The following ST8SIA1 variants were observed in gnomAD, a reference collection of about 807,000 sequenced individuals.
The protein encoded by ST8SIA1 is alpha-N-acetylneuraminide alpha-2,8-sialyltransferase.
In ST8SIA1, 16 loss-of-function variants were observed where a neutral mutation model predicts 35.9. That is an observed-to-expected ratio of 0.45 (90% CI 0.30 to 0.68). The LOEUF (loss-of-function observed/expected upper bound fraction) is 0.68. Ranked by LOEUF, ST8SIA1 falls within the 30% of genes least tolerant of loss-of-function variation. The pLI, the probability that ST8SIA1 is intolerant of heterozygous loss-of-function variation, is 0.09. For synonymous variants in ST8SIA1, 170 were observed against 169.6 expected (o/e 1.00, Z -0.02); for missense variants, 383 against 453.6 (o/e 0.84, Z 1.41).
At chr12:22,248,949 A>G in intron 4 of ST8SIA1, 57 bp downstream of exon 4, 1 of 1,300,370 alleles carries the variant, frequency 7.7e-7, no homozygotes, top group Non-Finnish European at 1.1e-6. Context: ...TTGAAATGCT[A>G]AGTACTTGAG....
intron 4 of ST8SIA1, among the ~76,000 whole-genome samples, chr12:22,233,803 C>T (rs188627037): frequency 3.3e-5 from 5 of 152,224 alleles, no homozygotes; most frequent in Non-Finnish European, 4.4e-5. Context: ...TACCTCTCAG[C>T]GTATCAGTTC....
chr12:22,294,429 G>T (rs1237872777), intron 1 of ST8SIA1, among the ~76,000 whole-genome samples: 3 of 152,122 alleles, frequency 2.0e-5, no homozygotes, highest in East Asian at 3.9e-4. Flanking sequence ...CTCTTAAATT[G>T]TATGAAGGAG....
chr12:22,257,689 G>A (rs1865743724), intron 2 of ST8SIA1, among the ~76,000 whole-genome samples: 1 of 152,014 alleles, frequency 6.6e-6, no homozygotes, highest in African/African-American at 2.4e-5. Flanking sequence ...CAAAGAGCCT[G>A]TTGTGTCTGG....
In ST8SIA1 at chr12:22,272,532, C is replaced by T. The variant is rs185323768; in HGVS notation, c.381+14617G>A. On this transcript the variant is annotated intron_variant, in intron 2 of 4. Transcript: ENST00000396037. Reference sequence around the variant, plus strand: ...TTGTTTCCTAAACATATTGGCTCCACGGCGCTACAAAGACTGAAAAGTATT... The same window carrying T: ...TTGTTTCCTAAACATATTGGCTCCATGGCGCTACAAAGACTGAAAAGTATT... Among the ~76,000 whole-genome samples the T allele has an allele frequency of 1.6e-3, 242 of 152,320 alleles. 1 individual carries two copies. The highest frequency in any genetic ancestry group is 5.6e-3 in the African/African-American group (232 of 41,574).
intron 1 of ST8SIA1, among the ~76,000 whole-genome samples, chr12:22,333,096 G>A (rs751380628): frequency 3.3e-5 from 5 of 152,186 alleles, no homozygotes; most frequent in Non-Finnish European, 7.3e-5. Flanking sequence ...CCCTGCTGCC[G>A]TAACTTATTT....
At chr12:22,284,030 A>T (rs1866066454) in intron 2 of ST8SIA1, among the ~76,000 whole-genome samples, 1 of 152,180 alleles carries the variant, frequency 6.6e-6, no homozygotes, top group South Asian at 2.1e-4. Context: ...ACTAACTAAA[A>T]GGAGTTTGAT....
chr12:22,251,232 T>C (rs1057052639), intron 3 of ST8SIA1, among the ~76,000 whole-genome samples: 2 of 152,224 alleles, frequency 1.3e-5, no homozygotes, highest in Non-Finnish European at 2.9e-5. Flanking sequence ...ATTCTGAGTA[T>C]TGCTGGAGAG....
intron 2 of ST8SIA1, among the ~76,000 whole-genome samples, chr12:22,275,501 CA>C (rs1865958688): frequency 6.6e-6 from 1 of 151,974 alleles, no homozygotes; most frequent in Non-Finnish European, 1.5e-5. Context: ...TTGCAGTGAG[CA>C]GAGGTCACAC....
Position 22,196,145 on chromosome 12 carries a change from TA to T in ST8SIA1, c.*5406del, listed in dbSNP as rs1191088901. ...AAAATATAATTCCTCTTCTGTGCTT[TA>T]AAAAGTTAGAGTCATAGGCTTTGAT... On this transcript the variant is annotated 3_prime_UTR_variant, in exon 5 of 5. Coordinates refer to ENST00000396037, the MANE Select transcript of ST8SIA1 (RefSeq NM_003034.4). 2.6e-5 allele frequency: 4 copies of T among 152,318 alleles called. No individual in the cohort carries two copies. The highest frequency in any genetic ancestry group is 2.0e-4 in the Admixed American group (3 of 15,298). 9.4% of individuals were successfully genotyped at this position (152,318 alleles called of 1,614,324 possible). A position where few individuals can be genotyped will look rare whatever the true frequency, so the allele number is the denominator to read the frequency against.
At chr12:22,264,228 GC>G (rs1865822308) in intron 2 of ST8SIA1, among the ~76,000 whole-genome samples, 3 of 151,684 alleles carry the variant, frequency 2.0e-5, no homozygotes, top group Non-Finnish European at 4.4e-5. Flanking sequence ...ACCTAATTAT[GC>G]CCTCCTTAAC....
At chr12:22,240,654 T>C (rs1318816111) in intron 4 of ST8SIA1, among the ~76,000 whole-genome samples, 1 of 152,200 alleles carries the variant, frequency 6.6e-6, no homozygotes, top group Admixed American at 6.5e-5. Context: ...TGCTGTAATC[T>C]TGGACCCAAG....
At chr12:22,273,175 G>T (rs1865931678) in intron 2 of ST8SIA1, among the ~76,000 whole-genome samples, 1 of 152,158 alleles carries the variant, frequency 6.6e-6, no homozygotes, top group Admixed American at 6.5e-5. Flanking sequence ...ACAGTTTAAA[G>T]CCTGAAAGCC....
chr12:22,264,581 C>T (rs748804957), intron 2 of ST8SIA1, among the ~76,000 whole-genome samples: 11 of 148,626 alleles, frequency 7.4e-5, no homozygotes, highest in African/African-American at 2.3e-4. Flanking sequence ...ACTTTGCATA[C>T]GTAAGCATTT....
chr12:22,333,738 C>G (rs1866798985), intron 1 of ST8SIA1: 8 of 660,914 alleles, frequency 1.2e-5, no homozygotes, highest in Non-Finnish European at 2.2e-5. Flanking sequence ...AAATAAAACT[C>G]CGCTTTGGGA....
chr12:22,304,093 G>A (rs1565591482), intron 1 of ST8SIA1, among the ~76,000 whole-genome samples: 1 of 152,126 alleles, frequency 6.6e-6, no homozygotes, highest in Non-Finnish European at 1.5e-5. Flanking sequence ...GCCTGGGTTT[G>A]TTTCCTAAAT....
At chr12:22,247,343 C>A (rs1202340400) in intron 4 of ST8SIA1, among the ~76,000 whole-genome samples, 2 of 152,044 alleles carry the variant, frequency 1.3e-5, no homozygotes, top group African/African-American at 2.4e-5. Flanking sequence ...AAATAATAGT[C>A]AAAGATGTCA....
chr12:22,213,101 C>T (rs189136427), intron 4 of ST8SIA1, among the ~76,000 whole-genome samples: 1 of 152,272 alleles, frequency 6.6e-6, no homozygotes, highest in African/African-American at 2.4e-5. Context: ...CCCTGCCAGC[C>T]AGAAACTGAC....
chr12:22,303,574 C>T (rs1375698373), intron 1 of ST8SIA1, among the ~76,000 whole-genome samples: 1 of 152,112 alleles, frequency 6.6e-6, no homozygotes, highest in Non-Finnish European at 1.5e-5. Flanking sequence ...GTTTTAATTG[C>T]TCCTTATCAT....
At chr12:22,277,830 C>G (rs1865989017) in intron 2 of ST8SIA1, among the ~76,000 whole-genome samples, 1 of 152,032 alleles carries the variant, frequency 6.6e-6, no homozygotes, top group South Asian at 2.1e-4. Context: ...CCCTGGTGTC[C>G]AGCTCAAGTG....
Sources: gnomAD v4.1 joint callset for allele counts (sites outside exome capture counted in the v4.1 genomes callset) on GRCh38, gnomAD v4.1.1 for gene constraint, MANE v1.5 for transcripts, NCBI Gene and HGNC (gene_info 2026-07-23, HGNC 2026-07-21) for gene names.